The following CSMD1 variants were observed in gnomAD, a reference collection of about 807,000 sequenced individuals.
CSMD1 encodes CUB and Sushi multiple domains 1, also known as CUB and sushi domain-containing protein 1.
CSMD1 carries 213 observed loss-of-function variants against 417.5 expected under a neutral mutation model. The observed-to-expected ratio is 0.51, with a 90% confidence interval of 0.46 to 0.57. The LOEUF (loss-of-function observed/expected upper bound fraction) is 0.57. Ranked by LOEUF, CSMD1 falls within the 20% of genes least tolerant of loss-of-function variation. The pLI is 0.00. For synonymous variants in CSMD1, 2,862 were observed against 1,736.8 expected, an observed-to-expected ratio of 1.65 and a Z score of -16.11; for missense variants, 6,923 against 4,529.7, an observed-to-expected ratio of 1.53 and a Z score of -15.17.
chr8:4,516,949 C>T (rs1048348541), intron 2 of CSMD1, among the ~76,000 whole-genome samples: 3 of 151,942 alleles, frequency 2.0e-5, no homozygotes, highest in Admixed American at 2.0e-4. Context: ...ATTTCATGTG[C>T]TATTACTTTT....
At chr8:4,032,448 C>G (rs1178456168) in intron 3 of CSMD1, among the ~76,000 whole-genome samples, 5 of 152,174 alleles carry the variant, frequency 3.3e-5, no homozygotes, top group Non-Finnish European at 5.9e-5. Context: ...TCAGTGTCAG[C>G]AACCAGACAC....
chr8:3,115,995 G>C (rs1483148270), intron 42 of CSMD1, among the ~76,000 whole-genome samples: 5 of 152,154 alleles, frequency 3.3e-5, no homozygotes, highest in Admixed American at 6.5e-5. Flanking sequence ...TGAAGATACT[G>C]GGTTGTCAGC....
chr8:3,144,462 T>C (rs1414390061), intron 40 of CSMD1, among the ~76,000 whole-genome samples: 5 of 152,082 alleles, frequency 3.3e-5, no homozygotes, highest in Non-Finnish European at 7.3e-5. Context: ...GAAAGATCTT[T>C]AATAATTTAA....
At chr8:4,576,238 G>A (rs1342042582) in intron 2 of CSMD1, among the ~76,000 whole-genome samples, 1 of 152,160 alleles carries the variant, frequency 6.6e-6, no homozygotes, top group East Asian at 1.9e-4. Context: ...TGAATTCCAG[G>A]CACCCTTCTA....
At chr8:4,788,806 T>C (rs546991118) in intron 1 of CSMD1, among the ~76,000 whole-genome samples, 1 of 152,126 alleles carries the variant, frequency 6.6e-6, no homozygotes, top group Non-Finnish European at 1.5e-5. Flanking sequence ...ACATGACATC[T>C]GCTTTTGAAA....
intron 1 of CSMD1, among the ~76,000 whole-genome samples, chr8:4,805,932 T>A (rs1798561679): frequency 6.6e-6 from 1 of 152,150 alleles, no homozygotes; most frequent in African/African-American, 2.4e-5. Context: ...CTCAGAGCAG[T>A]AAACCTGAGC....
At position 4,115,057 on chromosome 8, in the gene CSMD1, T is replaced by C. The variant is rs745686626; in HGVS notation, c.416-82958A>G. On this transcript the variant is annotated intron_variant, in intron 3 of 69. Coordinates refer to ENST00000635120, the MANE Select transcript of CSMD1 (RefSeq NM_033225.6). ...AGAATTGATTCAAATTTTGAAAGAA[T>C]TGCTACTCCGAGCAAAATGCTGTCA... is the stretch of plus-strand genomic sequence containing the variant. Among the ~76,000 whole-genome samples the C allele has an allele frequency of 9.2e-5, 14 of 152,318 alleles. No homozygotes were observed. In the East Asian group the frequency reaches 1.2e-3, roughly 13 times the overall value.
intron 2 of CSMD1, among the ~76,000 whole-genome samples, chr8:4,571,180 G>C (rs936134765): frequency 6.6e-6 from 1 of 152,090 alleles, no homozygotes; most frequent in Non-Finnish European, 1.5e-5. Context: ...CTTGTCTTCT[G>C]CTAGGTTTGA....
At chr8:4,081,994 G>C (rs535237003) in intron 3 of CSMD1, among the ~76,000 whole-genome samples, 19 of 151,738 alleles carry the variant, frequency 1.3e-4, no homozygotes, top group African/African-American at 4.3e-4. Context: ...GAAGTTAATA[G>C]GAAAAAAATA....
intron 7 of CSMD1, among the ~76,000 whole-genome samples, chr8:3,650,830 A>G (rs1309489572): frequency 1.3e-5 from 2 of 152,072 alleles, no homozygotes; most frequent in Admixed American, 1.3e-4. Context: ...TGGTTATACC[A>G]TCTCCAATCC....
At chr8:3,793,793 C>T (rs1198595410) in intron 5 of CSMD1, among the ~76,000 whole-genome samples, 1 of 152,130 alleles carries the variant, frequency 6.6e-6, no homozygotes, top group African/African-American at 2.4e-5. Flanking sequence ...TGCCTTCTAC[C>T]TCCTTTTATG....
intron 5 of CSMD1, among the ~76,000 whole-genome samples, chr8:3,827,229 G>A (rs1204553679): frequency 3.9e-5 from 6 of 152,080 alleles, no homozygotes; most frequent in Non-Finnish European, 2.9e-5. Flanking sequence ...CTTTCATACC[G>A]ACTTTTTCAT....
At chr8:3,236,589 C>A (rs991908568) in intron 26 of CSMD1, among the ~76,000 whole-genome samples, 1 of 152,122 alleles carries the variant, frequency 6.6e-6, no homozygotes, top group Non-Finnish European at 1.5e-5. Context: ...TAATACAAAC[C>A]CCCACCCAGG....
chr8:4,660,900 T>C (rs1177371688), intron 1 of CSMD1, among the ~76,000 whole-genome samples: 1 of 152,116 alleles, frequency 6.6e-6, no homozygotes, highest in Admixed American at 6.6e-5. Context: ...AAATGCAAAT[T>C]ACAACTACAA....
chr8:4,523,496 G>C (rs1268200713), intron 2 of CSMD1, among the ~76,000 whole-genome samples: 1 of 152,088 alleles, frequency 6.6e-6, no homozygotes, highest in Non-Finnish European at 1.5e-5. Flanking sequence ...GAGGAGTGTA[G>C]GATGGCTGTT....
At chr8:4,236,632 C>T (rs1456081105) in intron 3 of CSMD1, among the ~76,000 whole-genome samples, 1 of 152,154 alleles carries the variant, frequency 6.6e-6, no homozygotes. Flanking sequence ...TAAAAGAATT[C>T]AGCCAAAATC....
chr8:3,547,585 C>T (rs187969384), intron 10 of CSMD1, among the ~76,000 whole-genome samples: 1 of 152,062 alleles, frequency 6.6e-6, no homozygotes, highest in African/African-American at 2.4e-5. Context: ...TTTTTATTTA[C>T]ATTGCTTTAC....
intron 3 of CSMD1, among the ~76,000 whole-genome samples, chr8:4,157,883 A>G (rs183578138): frequency 3.9e-5 from 6 of 152,176 alleles, no homozygotes; most frequent in Non-Finnish European, 7.4e-5. Context: ...TATCCTCCCC[A>G]CAGGACAACA....
intron 17 of CSMD1, among the ~76,000 whole-genome samples, chr8:3,395,615 TA>T (rs1436369125): frequency 6.6e-6 from 1 of 152,224 alleles, no homozygotes; most frequent in Admixed American, 6.5e-5. Flanking sequence ...ACAATTGTTT[TA>T]AAATATGTTT....
Sources: allele counts gnomAD v4.1 joint callset (sites outside exome capture counted in the v4.1 genomes callset), GRCh38; gene constraint gnomAD v4.1.1; transcripts MANE v1.5; gene names NCBI Gene and HGNC (gene_info 2026-07-23, HGNC 2026-07-21).